Variants in DENND1A observed in about 807,000 individuals in gnomAD.
DENND1A encodes DENN domain-containing protein 1A.
DENND1A carries 51 observed loss-of-function variants against 113.7 expected under a neutral mutation model. The ratio of observed to expected loss-of-function variants is 0.45; its 90% CI spans 0.36 to 0.57. DENND1A has a LOEUF of 0.57. DENND1A is among the 20% of genes least tolerant of loss of function. The pLI is 0.00. For missense variants in DENND1A, 1,258 were observed against 1,395.9 expected (o/e 0.90, Z 1.57); for synonymous variants, 565 against 570.8 (o/e 0.99, Z 0.14).
At chr9:123,928,597 T>G (rs1266933580) in intron 1 of DENND1A, 1 of 985,328 alleles carries the variant, frequency 1.0e-6, no homozygotes, top group African/African-American at 1.7e-5. Context: ...TTCATTACCA[T>G]AAGCAAACTT....
chr9:123,845,907 G>A (rs1385795770), intron 2 of DENND1A, among the ~76,000 whole-genome samples: 1 of 152,042 alleles, frequency 6.6e-6, no homozygotes, highest in Non-Finnish European at 1.5e-5. Context: ...TGTTTCAGGT[G>A]ACACAATCAA....
chr9:123,675,023 CCAAGGTGACCTCCT>C (rs2063986719), intron 6 of DENND1A, among the ~76,000 whole-genome samples: 1 of 152,056 alleles, frequency 6.6e-6, no homozygotes, highest in African/African-American at 2.4e-5. Context: ...ATGAACAGAC[CCAAGGTGACCTCCT>C]AACTCATTCA....
At chr9:123,474,788 G>A (rs948826438) in intron 13 of DENND1A, among the ~76,000 whole-genome samples, 4 of 152,172 alleles carry the variant, frequency 2.6e-5, no homozygotes, top group Non-Finnish European at 4.4e-5. Context: ...GGCAATGTAT[G>A]TAAACTGCCT....
intron 5 of DENND1A, among the ~76,000 whole-genome samples, chr9:123,711,041 C>T (rs1281814332): frequency 6.6e-6 from 1 of 151,916 alleles, no homozygotes; most frequent in Non-Finnish European, 1.5e-5. Context: ...AGAATATTTA[C>T]ACAAAAAGGA....
intron 13 of DENND1A, among the ~76,000 whole-genome samples, chr9:123,515,077 A>G (rs1176717223): frequency 6.6e-6 from 1 of 152,252 alleles, no homozygotes; most frequent in Non-Finnish European, 1.5e-5. Context: ...AGACCAAAAC[A>G]TAACAAAAAG....
intron 19 of DENND1A, among the ~76,000 whole-genome samples, chr9:123,433,397 T>A (rs541711297): frequency 6.6e-6 from 1 of 152,212 alleles, no homozygotes; most frequent in South Asian, 2.1e-4. Context: ...TTGCTTTCTC[T>A]CTCTTCTCTA....
chr9:123,722,476 G>GTC (rs2067410004), intron 5 of DENND1A, among the ~76,000 whole-genome samples: 1 of 152,212 alleles, frequency 6.6e-6, no homozygotes, highest in African/African-American at 2.4e-5. Flanking sequence ...TCCAAGGCAT[G>GTC]TCAGAGACCT....
chr9:123,857,648 A>G (rs1181094065), intron 2 of DENND1A, among the ~76,000 whole-genome samples: 1 of 152,220 alleles, frequency 6.6e-6, no homozygotes, highest in Admixed American at 6.5e-5. Context: ...AAGATGCTCA[A>G]CCTAAACCTA....
At chr9:123,506,028 A>G (rs1254138756) in intron 13 of DENND1A, among the ~76,000 whole-genome samples, 1 of 152,024 alleles carries the variant, frequency 6.6e-6, no homozygotes, top group Non-Finnish European at 1.5e-5. Flanking sequence ...AATGATAAGC[A>G]TTCACCAAAC....
intron 21 of DENND1A, chr9:123,402,593 G>C: frequency 1.9e-6 from 1 of 534,764 alleles, no homozygotes; most frequent in Non-Finnish European, 3.8e-6. Context: ...AGACCAAGAC[G>C]AACTCATGCA....
chr9:123,579,509 T>C (rs968023169), intron 12 of DENND1A, among the ~76,000 whole-genome samples: 2 of 152,092 alleles, frequency 1.3e-5, no homozygotes, highest in Non-Finnish European at 2.9e-5. Flanking sequence ...GGCGGAAAGA[T>C]TGGAGGGATG....
Position 123,453,890 on chromosome 9 carries a change from A to G in DENND1A, c.1227+849T>C, listed in dbSNP as rs1429728261. On this transcript the variant is annotated intron_variant, in intron 16 of 23. Transcript: ENST00000394215. Reference sequence around the variant, plus strand: ...TTAAATGGTCCTTTGGAGTATTGAAACTCCCTTTATCAATCAATCAACAAG... The same window carrying G: ...TTAAATGGTCCTTTGGAGTATTGAAGCTCCCTTTATCAATCAATCAACAAG... 2.6e-5 allele frequency among the ~76,000 whole-genome samples: 4 copies of G among 151,708 alleles called. No homozygotes were observed. In the East Asian group the frequency reaches 5.8e-4, roughly 22 times the overall value.
At chr9:123,902,586 G>C (rs555895065) in intron 1 of DENND1A, among the ~76,000 whole-genome samples, 1 of 152,160 alleles carries the variant, frequency 6.6e-6, no homozygotes, top group Non-Finnish European at 1.5e-5. Flanking sequence ...CCTTACTCAA[G>C]AAAGCAAGTG....
At chr9:123,866,991 G>T (rs1336948063) in intron 2 of DENND1A, among the ~76,000 whole-genome samples, 1 of 152,050 alleles carries the variant, frequency 6.6e-6, no homozygotes, top group East Asian at 1.9e-4. Context: ...CTCAAATAAG[G>T]CTTCGTGATA....
chr9:123,758,514 GA>G (rs560997127), intron 4 of DENND1A, among the ~76,000 whole-genome samples: 300 of 152,276 alleles, frequency 2.0e-3, no homozygotes, highest in Admixed American at 6.3e-3. Flanking sequence ...AAACTGGAAA[GA>G]AAACAGGGCA....
chr9:123,636,142 C>G (rs1209105861), intron 9 of DENND1A, among the ~76,000 whole-genome samples: 1 of 152,180 alleles, frequency 6.6e-6, no homozygotes, highest in Non-Finnish European at 1.5e-5. Flanking sequence ...AATTCATGAG[C>G]TATGTAGGAA....
intron 21 of DENND1A, among the ~76,000 whole-genome samples, chr9:123,392,068 G>A (rs1477673245): frequency 6.6e-6 from 1 of 152,208 alleles, no homozygotes; most frequent in Admixed American, 6.5e-5. Context: ...TTGGTTTAAC[G>A]TGTCGCCGGT....
At chr9:123,507,364 C>A (rs1457787856) in intron 13 of DENND1A, among the ~76,000 whole-genome samples, 2 of 152,178 alleles carry the variant, frequency 1.3e-5, no homozygotes, top group African/African-American at 4.8e-5. Context: ...CCTAAGTCAT[C>A]TGATGTAGTA....
chr9:123,698,800 T>C (rs1396014510), intron 5 of DENND1A, among the ~76,000 whole-genome samples: 1 of 152,134 alleles, frequency 6.6e-6, no homozygotes, highest in African/African-American at 2.4e-5. Context: ...GCGTACTACG[T>C]TGCACACCTA....
Sources: gnomAD v4.1 joint callset for allele counts (sites outside exome capture counted in the v4.1 genomes callset) on GRCh38, gnomAD v4.1.1 for gene constraint, MANE v1.5 for transcripts, NCBI Gene and HGNC (gene_info 2026-07-23, HGNC 2026-07-21) for gene names.